Variants in RBFOX1 observed in about 807,000 individuals in gnomAD.
RBFOX1 encodes RNA binding fox-1 homolog 1, also known as RNA binding protein fox-1 homolog 1.
Under a neutral mutation model 57.7 loss-of-function variants are expected in RBFOX1, and 8 were observed. That is an observed-to-expected ratio of 0.14 (90% CI 0.08 to 0.25). The LOEUF (loss-of-function observed/expected upper bound fraction) is 0.25. Ranked by LOEUF, RBFOX1 falls within the 10% of genes least tolerant of loss-of-function variation. RBFOX1 has a pLI of 1.00. For synonymous variants in RBFOX1, 326 were observed against 222.4 expected, an observed-to-expected ratio of 1.47 and a Z score of -4.15; for missense variants, 611 against 548.5, an observed-to-expected ratio of 1.11 and a Z score of -1.14.
intron 4 of RBFOX1, among the ~76,000 whole-genome samples, chr16:7,228,476 C>G (rs527865005): frequency 6.6e-5 from 10 of 152,242 alleles, no homozygotes; most frequent in Non-Finnish European, 1.5e-4. Context: ...TAGGTGTTCT[C>G]ATTGAACTTG....
intron 1 of RBFOX1, among the ~76,000 whole-genome samples, chr16:5,317,596 G>C (rs1181574150): frequency 6.6e-6 from 1 of 152,144 alleles, no homozygotes; most frequent in Non-Finnish European, 1.5e-5. Context: ...GCGAAAGACT[G>C]AGACTCTGTC....
intron 12 of RBFOX1, among the ~76,000 whole-genome samples, chr16:7,654,698 T>A (rs567461808): frequency 6.6e-6 from 1 of 152,276 alleles, no homozygotes; most frequent in African/African-American, 2.4e-5. Context: ...AGTCTGTCCC[T>A]CTTTTAAGGC....
chr16:5,935,096 T>G (rs1418491658), intron 4 of RBFOX1, among the ~76,000 whole-genome samples: 1 of 152,236 alleles, frequency 6.6e-6, no homozygotes, highest in Non-Finnish European at 1.5e-5. Flanking sequence ...CCAACTCTTT[T>G]ACTGAAGCTT....
At chr16:5,274,310 C>G (rs1253795060) in intron 1 of RBFOX1, among the ~76,000 whole-genome samples, 1 of 152,148 alleles carries the variant, frequency 6.6e-6, no homozygotes, top group African/African-American at 2.4e-5. Context: ...GGGCAGATCA[C>G]TTGAGGCCAG....
intron 4 of RBFOX1, among the ~76,000 whole-genome samples, chr16:6,010,269 C>T (rs894612630): frequency 1.3e-5 from 2 of 152,144 alleles, no homozygotes; most frequent in Non-Finnish European, 2.9e-5. Context: ...GGATTAACAC[C>T]TCCCCTCCCC....
chr16:6,814,454 C>T (rs540764840), intron 3 of RBFOX1, among the ~76,000 whole-genome samples: 1 of 152,046 alleles, frequency 6.6e-6, no homozygotes, highest in East Asian at 1.9e-4. Flanking sequence ...GGTGGGTGAA[C>T]AAGGTAGATG....
At chr16:5,554,634 C>T (rs1160914068) in intron 2 of RBFOX1, among the ~76,000 whole-genome samples, 5 of 151,988 alleles carry the variant, frequency 3.3e-5, no homozygotes, top group Admixed American at 1.3e-4. Flanking sequence ...ATCTTGGGGC[C>T]GTGATTCTGC....
rs573034244 is a variant in RBFOX1, at chr16:6,305,180, G to A, written c.-126-11815G>A. 2.1e-3 allele frequency among the ~76,000 whole-genome samples: 318 copies of A among 152,258 alleles called. 1 individual carries two copies. The highest frequency in any genetic ancestry group is 7.4e-3 in the African/African-American group (307 of 41,538). ...GTCATAAGCATGTGATGTCTACTTG[G>A]GATGGAAGCATTCTCATTGAGAGCA... On this transcript the variant is annotated intron_variant, in intron 1 of 15. Coordinates refer to ENST00000550418, the MANE Select transcript of RBFOX1 (RefSeq NM_018723.4).
At position 6,006,837 on chromosome 16, in the gene RBFOX1, A is replaced by G. The variant is rs151252844; in HGVS notation, c.351+139502A>G. ...GGAACCTAAGAGGATTGTAGGAGGG[A>G]ATGAGAGTTTAATTGGGCATATGTT... On this transcript the variant is annotated intron_variant, in intron 4 of 19. Coordinates refer to the RBFOX1 transcript ENST00000641259. Among the ~76,000 whole-genome samples, 81 of 152,292 alleles carry G rather than the reference A, an allele frequency of 5.3e-4. No individual in the cohort carries two copies. The East Asian group carries it at 0.015, about 28-fold the overall frequency.
At chr16:5,314,241 G>T (rs937286240) in intron 1 of RBFOX1, among the ~76,000 whole-genome samples, 1 of 152,200 alleles carries the variant, frequency 6.6e-6, no homozygotes, top group Non-Finnish European at 1.5e-5. Flanking sequence ...CCCAACTTGC[G>T]AATGCATGTA....
At chr16:6,184,343 T>G (rs1244236703) in intron 1 of RBFOX1, among the ~76,000 whole-genome samples, 1 of 151,954 alleles carries the variant, frequency 6.6e-6, no homozygotes, top group East Asian at 1.9e-4. Context: ...GGGTGGAGAA[T>G]AGGTGTGGGA....
rs150965767 is a variant in RBFOX1, at chr16:5,806,921, G to A, written c.319-60382G>A. ...TCAGAGCCACTTACCGAAGCAGCCA[G>A]CCTTTCCCCACTGGAGGAGCAGGAT... On this transcript the variant is annotated intron_variant, in intron 3 of 19. Transcript: ENST00000641259. Among the ~76,000 whole-genome samples the A allele has an allele frequency of 5.1e-4, 77 of 152,218 alleles. 1 individual carries two copies. Among genetic ancestry groups the A allele is most frequent in the African/African-American group, 1.8e-3 (73 of 41,538 alleles).
chr16:5,701,589 C>G (rs1175083241), intron 3 of RBFOX1, among the ~76,000 whole-genome samples: 2 of 152,298 alleles, frequency 1.3e-5, no homozygotes, highest in African/African-American at 4.8e-5. Context: ...TGTACCACAC[C>G]TGGCTAATAT....
chr16:7,598,301 A>ATGTT (rs147089064), intron 9 of RBFOX1, among the ~76,000 whole-genome samples: 2,445 of 152,246 alleles, frequency 0.016, 56 homozygotes, highest in African/African-American at 0.056. Flanking sequence ...ATTGACATAA[A>ATGTT]TGTTTGTCGC....
In RBFOX1 at chr16:5,934,207, G is replaced by A. The variant is rs142523412; in HGVS notation, c.351+66872G>A. On this transcript the variant is annotated intron_variant, in intron 4 of 19. Coordinates refer to the RBFOX1 transcript ENST00000641259. ...GTTGGCCTTCCATTTTTCAAATCCT[G>A]TAGGGAGAAAGGCCCAGATTGGTGC... 6.4e-3 allele frequency among the ~76,000 whole-genome samples: 972 copies of A among 152,310 alleles called. 8 individuals are homozygous for A. Among genetic ancestry groups the A allele is most frequent in the Non-Finnish European group, 0.01 (690 of 68,032 alleles).
At chr16:6,878,057 A>G (rs76669607) in intron 3 of RBFOX1, among the ~76,000 whole-genome samples, 1,956 of 152,278 alleles carry the variant, frequency 0.013, 43 homozygotes, top group African/African-American at 0.044. Context: ...TGAAAGACAC[A>G]CAAGGGTAGG....
intron 4 of RBFOX1, among the ~76,000 whole-genome samples, chr16:5,879,439 C>T (rs563007771): frequency 6.6e-6 from 1 of 152,306 alleles, no homozygotes; most frequent in African/African-American, 2.4e-5. Context: ...CAACGATTCT[C>T]CTGCCTCAGG....
At chr16:7,565,983 G>T (rs778403544) in intron 5 of RBFOX1, among the ~76,000 whole-genome samples, 1 of 152,116 alleles carries the variant, frequency 6.6e-6, no homozygotes, top group Admixed American at 6.6e-5. Flanking sequence ...TAGTTTCCTG[G>T]AATGATTCAG....
rs74004631 is a variant in RBFOX1 at position 5,820,783 on chromosome 16, G to A, written c.319-46520G>A. On this transcript the variant is annotated intron_variant, in intron 3 of 19. Transcript: ENST00000641259. ...TCCCAGCCTCACAGGGGTTTAAGAC[G>A]ATCAGACAGTTAGACAAGCCAGTCT... is the stretch of plus-strand genomic sequence containing the variant. Among the ~76,000 whole-genome samples the A allele has an allele frequency of 6.6e-3, 1,011 of 152,248 alleles. 14 individuals carry two copies. Among genetic ancestry groups the A allele is most frequent in the African/African-American group, 0.023 (942 of 41,532 alleles).
Sources: allele counts gnomAD v4.1 joint callset (sites outside exome capture counted in the v4.1 genomes callset), GRCh38; gene constraint gnomAD v4.1.1; transcripts MANE v1.5; gene names NCBI Gene and HGNC (gene_info 2026-07-23, HGNC 2026-07-21).